The following KIF5C variants were observed in gnomAD, a reference collection of about 807,000 sequenced individuals.
KIF5C encodes kinesin family member 5C.
In KIF5C, 18 loss-of-function variants were observed where a neutral mutation model predicts 125.2. The ratio of observed to expected loss-of-function variants is 0.14; its 90% CI spans 0.10 to 0.21. KIF5C has a LOEUF of 0.21. Ranked by LOEUF, KIF5C falls within the 10% of genes least tolerant of loss-of-function variation. KIF5C has a pLI of 1.00. For synonymous variants in KIF5C, 405 were observed against 434.0 expected, an observed-to-expected ratio of 0.93 and a Z score of 0.83; for missense variants, 780 against 1,183.8, an observed-to-expected ratio of 0.66 and a Z score of 5.01.
chr2:149,020,826 C>T (rs1682513430), intron 25 of KIF5C, among the ~76,000 whole-genome samples: 1 of 152,206 alleles, frequency 6.6e-6, no homozygotes, highest in African/African-American at 2.4e-5. Flanking sequence ...TAAATAACAA[C>T]TATGACCATG....
chr2:148,936,534 G>T (rs1415840839), intron 3 of KIF5C, among the ~76,000 whole-genome samples: 1 of 152,112 alleles, frequency 6.6e-6, no homozygotes, highest in African/African-American at 2.4e-5. Context: ...AAATCTTCAG[G>T]GGTGGCAAAT....
chr2:148,879,840 T>C (rs1288537242), intron 1 of KIF5C: 1 of 152,206 alleles, frequency 6.6e-6, no homozygotes, highest in African/African-American at 2.4e-5. Context: ...CAGGTCTTGT[T>C]AAAGATGAGT....
chr2:148,898,521 C>T (rs568005339), intron 1 of KIF5C, among the ~76,000 whole-genome samples: 1 of 152,130 alleles, frequency 6.6e-6, no homozygotes, highest in Non-Finnish European at 1.5e-5. Context: ...CTAGTGCAAT[C>T]ACAGGGATTC....
chr2:148,956,045 A>G (rs1330419259), intron 10 of KIF5C, among the ~76,000 whole-genome samples: 1 of 152,208 alleles, frequency 6.6e-6, no homozygotes, highest in Non-Finnish European at 1.5e-5. Context: ...GCCAGGAAAT[A>G]TGAGTGTAGG....
Position 148,941,187 on chromosome 2 carries a change from C to T in KIF5C, c.397-423C>T, listed in dbSNP as rs147652741. ...AGCTCTTGTAGTTCTAAACACACTG[C>T]CCTTGCCCTCTCCTGGCTTCTTGCA... On this transcript the variant is annotated intron_variant, in intron 4 of 25. Transcript: ENST00000435030. Among the ~76,000 whole-genome samples the T allele has an allele frequency of 1.1e-3, 164 of 152,258 alleles. 1 individual carries two copies. Among genetic ancestry groups the T allele is most frequent in the Non-Finnish European group, 4.0e-4 (27 of 68,016 alleles).
At chr2:148,993,895 A>G (rs7573156) in intron 16 of KIF5C, among the ~76,000 whole-genome samples, 104,024 of 152,044 alleles carry the variant, frequency 0.68, 36,272 homozygotes, top group African/African-American at 0.8. Flanking sequence ...GAGCTAGCCA[A>G]GGTAGTGTGT....
chr2:148,996,324 TA>T (rs1212416694), intron 17 of KIF5C, among the ~76,000 whole-genome samples: 4 of 152,246 alleles, frequency 2.6e-5, no homozygotes, highest in African/African-American at 9.6e-5. Context: ...AAGGCAAATT[TA>T]AAAAGAAAGA....
intron 15 of KIF5C, among the ~76,000 whole-genome samples, chr2:148,986,289 A>T (rs1681379810): frequency 6.6e-6 from 1 of 152,104 alleles, no homozygotes; most frequent in African/African-American, 2.4e-5. Flanking sequence ...GATATTTTTG[A>T]GATTATTTTT....
At chr2:148,982,248 G>C (rs914628546) in intron 14 of KIF5C, among the ~76,000 whole-genome samples, 2 of 152,204 alleles carry the variant, frequency 1.3e-5, no homozygotes, top group African/African-American at 4.8e-5. Context: ...CTTATTTCCA[G>C]ATTCTCCAAA....
chr2:148,913,864 G>A (rs1681440788), intron 1 of KIF5C, among the ~76,000 whole-genome samples: 1 of 152,144 alleles, frequency 6.6e-6, no homozygotes, highest in African/African-American at 2.4e-5. Flanking sequence ...CAGTGAAGAA[G>A]GTTTGTTTTT....
At chr2:149,019,390 C>T (rs547946766) in intron 25 of KIF5C, among the ~76,000 whole-genome samples, 2 of 152,302 alleles carry the variant, frequency 1.3e-5, no homozygotes, top group African/African-American at 2.4e-5. Flanking sequence ...CCTGAAAAGA[C>T]AGCTGAGGTG....
At chr2:148,900,073 TCAGGTA>T (rs1257791455) in intron 1 of KIF5C, among the ~76,000 whole-genome samples, 1 of 152,202 alleles carries the variant, frequency 6.6e-6, no homozygotes, top group South Asian at 2.1e-4. Flanking sequence ...TTTCTACTCT[TCAGGTA>T]CCTTGTTTGA....
intron 19 of KIF5C, chr2:148,999,838 T>C (rs992376441): frequency 1.3e-5 from 2 of 152,350 alleles, no homozygotes; most frequent in African/African-American, 4.8e-5. Flanking sequence ...GGAAAGGTTT[T>C]ATGAGTCCTG....
At chr2:148,947,874 C>CA (rs1682556031) in intron 8 of KIF5C, 1 of 456,532 alleles carries the variant, frequency 2.2e-6, no homozygotes, top group African/African-American at 2.0e-5. Context: ...GAAGCTTGGT[C>CA]AGTCTCCCTA....
chr2:148,893,049 G>A (rs184447282), intron 1 of KIF5C, among the ~76,000 whole-genome samples: 58 of 152,212 alleles, frequency 3.8e-4, no homozygotes, highest in Admixed American at 2.3e-3. Context: ...CCCTTGTCTC[G>A]TTCTTAATCT....
In KIF5C at chr2:148,981,434, A is replaced by G. The variant is rs1319506360; in HGVS notation, c.1442A>G (p.Lys481Arg). Residue 481 changes from lysine to arginine, a missense_variant, in exon 14 of 26, where the codon AAG becomes AGG. Physicochemically the swap from Lys to Arg is conservative, Grantham distance 26 (BLOSUM62 2). Coordinates refer to ENST00000435030, the MANE Select transcript of KIF5C (RefSeq NM_004522.3). ...CTCCAGATTGAAAATGAGGCAGCCAAGGATGAGGTGAAAGAAGTTCTCCAG... is the reference window on the plus strand; with the variant it reads ...CTCCAGATTGAAAATGAGGCAGCCAGGGATGAGGTGAAAGAAGTTCTCCAG... ...TRLQIENEAA[K>R]DEVKEVLQAL... The G allele has an allele frequency of 9.9e-6, 16 of 1,610,324 alleles. No homozygotes were observed. Among genetic ancestry groups the G allele is most frequent in the Non-Finnish European group, 1.4e-5 (16 of 1,178,382 alleles).
At chr2:148,927,321 C>T (rs576234714) in intron 2 of KIF5C, among the ~76,000 whole-genome samples, 24 of 152,276 alleles carry the variant, frequency 1.6e-4, no homozygotes, top group African/African-American at 4.6e-4. Flanking sequence ...TACCACCTCC[C>T]TGGGGCCTCC....
At position 148,965,638 on chromosome 2, in the gene KIF5C, A is replaced by G. The variant is rs539594792; in HGVS notation, c.1117+3519A>G. Among the ~76,000 whole-genome samples the G allele has an allele frequency of 2.6e-5, 4 of 152,286 alleles. No individual in the cohort carries two copies. The East Asian group carries it at 7.7e-4, about 29-fold the overall frequency. On this transcript the variant is annotated intron_variant, in intron 11 of 25. Transcript: ENST00000435030. ...CATGCTATGTGCCAGTGGACGTTACAGGGACAACAGACCAGGCCAGGCTTT... is the reference window on the plus strand; with the variant it reads ...CATGCTATGTGCCAGTGGACGTTACGGGGACAACAGACCAGGCCAGGCTTT...
chr2:148,882,286 A>G (rs907365416), intron 1 of KIF5C, among the ~76,000 whole-genome samples: 1 of 152,192 alleles, frequency 6.6e-6, no homozygotes, highest in Non-Finnish European at 1.5e-5. Flanking sequence ...CGTAAAATAG[A>G]GATAACAACA....
Sources: gnomAD v4.1 joint callset for allele counts (sites outside exome capture counted in the v4.1 genomes callset) on GRCh38, gnomAD v4.1.1 for gene constraint, MANE v1.5 for transcripts, NCBI Gene and HGNC (gene_info 2026-07-23, HGNC 2026-07-21) for gene names.